The following FAAP20 variants were observed in gnomAD, a reference collection of about 807,000 sequenced individuals.
FAAP20 encodes Fanconi anemia core complex-associated protein 20.
In FAAP20, 12 loss-of-function variants were observed where a neutral mutation model predicts 16.2. That is an observed-to-expected ratio of 0.74 (90% CI 0.48 to 1.20). FAAP20 has a LOEUF of 1.20. FAAP20 is among the 50% of genes most tolerant of loss of function. The probability of loss-of-function intolerance (pLI) is 0.00; values close to 1 mark genes in which losing one functional copy is unlikely to be tolerated. For missense variants in FAAP20, 288 were observed against 245.8 expected (o/e 1.17, Z -1.15); for synonymous variants, 141 against 110.7 (o/e 1.27, Z -1.72).
upstream of FAAP20, among the ~76,000 whole-genome samples, chr1:2,201,675 T>G (rs879463167): frequency 6.6e-6 from 1 of 151,628 alleles, no homozygotes; most frequent in African/African-American, 2.4e-5. Flanking sequence ...TGAGCCAAGA[T>G]TGTGCCACTG....
upstream of FAAP20, chr1:2,199,690 G>C: frequency 2.1e-6 from 2 of 944,360 alleles, no homozygotes; most frequent in South Asian, 4.9e-5. The surrounding 1 kb of genome is among the most constrained non-coding windows in gnomAD (Gnocchi z 4.5). Flanking sequence ...GGCCTCGCTC[G>C]GAAGCAAGGT....
downstream of FAAP20, chr1:2,184,870 A>T (rs1289611029): frequency 2.6e-6 from 4 of 1,515,490 alleles, no homozygotes; most frequent in African/African-American, 5.5e-5. Context: ...CGCTTCCCCC[A>T]AGGGAATGAA....
At chr1:2,185,988 C>A, downstream of FAAP20, 1 of 391,984 alleles carries the variant, frequency 2.6e-6, no homozygotes, top group Non-Finnish European at 5.2e-6. Flanking sequence ...CACACCCGCG[C>A]TCTCCGTCCA....
downstream of FAAP20, among the ~76,000 whole-genome samples, chr1:2,189,235 A>G (rs1477558585): frequency 6.8e-6 from 1 of 146,986 alleles, no homozygotes; most frequent in African/African-American, 2.5e-5. Flanking sequence ...CAGGAGGCTG[A>G]GGTGGGAGGA....
chr1:2,211,387 G>T (rs1262300095), downstream of FAAP20, among the ~76,000 whole-genome samples: 1 of 97,740 alleles, frequency 1.0e-5, no homozygotes, highest in Non-Finnish European at 1.9e-5. Context: ...CTGCCACCAC[G>T]CCTGGCTAAT....
chr1:2,194,938 A>AG (rs1688738902), upstream of FAAP20, among the ~76,000 whole-genome samples: 1 of 149,998 alleles, frequency 6.7e-6, no homozygotes, highest in South Asian at 2.1e-4. Flanking sequence ...TGCACCGCAC[A>AG]GGGGGGCCTG....
chr1:2,184,812 C>T (rs1687319865), downstream of FAAP20: 5 of 1,375,716 alleles, frequency 3.6e-6, no homozygotes, highest in South Asian at 5.0e-5. Flanking sequence ...CGCCTGGTGT[C>T]ATCTCTCCAG....
chr1:2,191,986 G>A lies in FAAP20; in HGVS notation c.470+1653C>T, dbSNP rs952491784. 1.8e-5 allele frequency: 18 copies of A among 985,376 alleles called. No individual in the cohort carries two copies. In the African/African-American group the frequency reaches 2.1e-4, roughly 11 times the overall value. The allele number at this position is 985,376 out of a possible 1,614,324, so 61.0% of individuals were successfully genotyped here. On this transcript the variant is annotated intron_variant, in intron 3 of 3. Transcript: ENST00000378546. ...CATTTGACGGTCCTCTGGGTGACCC[G>A]GAGAACACCAAGGCTGTGAGAAATG...
chr1:2,208,044 C>T (rs452229), downstream of FAAP20, among the ~76,000 whole-genome samples: 8,648 of 152,182 alleles, frequency 0.057, 779 homozygotes, highest in African/African-American at 0.19. Context: ...TGTTTCCGCC[C>T]CAGGGCTGGA....
At chr1:2,193,327 C>A in intron 3 of FAAP20, 1 of 521,346 alleles carries the variant, frequency 1.9e-6, no homozygotes, top group Non-Finnish European at 3.4e-6. Context: ...GTGCTCTGGG[C>A]CTGGGGACGC....
chr1:2,200,665 C>A (rs927202141), upstream of FAAP20: 4 of 986,782 alleles, frequency 4.1e-6, no homozygotes, highest in South Asian at 1.9e-4. Flanking sequence ...CCAGGAGACA[C>A]GCAGCAGGCT....
upstream of FAAP20, among the ~76,000 whole-genome samples, chr1:2,196,151 C>T (rs1310521703): frequency 2.0e-5 from 3 of 152,290 alleles, no homozygotes; most frequent in South Asian, 2.1e-4. The surrounding 1 kb of genome is among the most constrained non-coding windows in gnomAD (Gnocchi z 4.5). Context: ...CAGGGCTCCC[C>T]GACAGTCCTG....
At chr1:2,198,614 C>T (rs1480566305), upstream of FAAP20, 11 of 1,159,640 alleles carry the variant, frequency 9.5e-6, no homozygotes, top group African/African-American at 1.6e-5. Flanking sequence ...GCCCGGTGGC[C>T]GTGCACCCTC....
chr1:2,188,842 G>A (rs1458853546), downstream of FAAP20, among the ~76,000 whole-genome samples: 2 of 151,514 alleles, frequency 1.3e-5, no homozygotes, highest in Non-Finnish European at 2.9e-5. Flanking sequence ...CGTTTCTACT[G>A]AAAACACAAA....
chr1:2,192,857 C>T, intron 3 of FAAP20: 2 of 1,283,614 alleles, frequency 1.6e-6, no homozygotes, highest in South Asian at 1.2e-5. Flanking sequence ...GCCTCAGCCT[C>T]TCAAAGGGCT....
upstream of FAAP20, among the ~76,000 whole-genome samples, chr1:2,197,772 G>A (rs1688882086): frequency 6.6e-6 from 1 of 152,250 alleles, no homozygotes; most frequent in African/African-American, 2.4e-5. Flanking sequence ...TGGGGAGGGG[G>A]CAGTGGGGCA....
chr1:2,195,058 C>T (rs1688751034), upstream of FAAP20, among the ~76,000 whole-genome samples: 1 of 152,182 alleles, frequency 6.6e-6, no homozygotes, highest in Admixed American at 6.5e-5. Flanking sequence ...GCCCGGCCCG[C>T]CCCGGCACTG....
chr1:2,185,318 A>G (rs1038816945), downstream of FAAP20: 1 of 718,590 alleles, frequency 1.4e-6, no homozygotes, highest in Non-Finnish European at 2.6e-6. Flanking sequence ...CGGAAACAGA[A>G]CTCGATGCAC....
At chr1:2,185,196 G>C, downstream of FAAP20, 1 of 707,676 alleles carries the variant, frequency 1.4e-6, no homozygotes. Context: ...ACCTGGGCCC[G>C]GGCAGGCCAG....
Sources: allele counts gnomAD v4.1 joint callset (sites outside exome capture counted in the v4.1 genomes callset), GRCh38; gene constraint gnomAD v4.1.1; non-coding constraint Gnocchi (gnomAD v3.1); transcripts MANE v1.5; gene names NCBI Gene and HGNC (gene_info 2026-07-23, HGNC 2026-07-21).